Variants in STARD13 observed in about 807,000 individuals in gnomAD.
The protein encoded by STARD13 is StAR related lipid transfer domain containing 13, also known as stAR-related lipid transfer protein 13.
A neutral mutation model predicts 106.4 loss-of-function variants in STARD13; 62 were observed. The observed-to-expected ratio is 0.58, with a 90% CI of 0.48 to 0.72. STARD13 has a LOEUF of 0.72. STARD13 is among the 30% of genes least tolerant of loss of function. STARD13 has a pLI of 0.00. For missense variants in STARD13, 1,387 were observed against 1,424.0 expected, an observed-to-expected ratio of 0.97 and a Z score of 0.42; for synonymous variants, 565 against 553.0, an observed-to-expected ratio of 1.02 and a Z score of -0.31.
the STARD13 span, among the ~76,000 whole-genome samples, chr13:33,634,077 A>G: frequency 1.3e-5 from 2 of 152,330 alleles, no homozygotes; most frequent in South Asian, 4.1e-4. Flanking sequence ...ATTGAAAAGA[A>G]TTTTTGTTAA....
chr13:33,117,982 A>G, intron 8 of STARD13, 83 bp downstream of exon 8: 2 of 1,589,876 alleles, frequency 1.3e-6, no homozygotes, highest in African/African-American at 2.7e-5. Context: ...TATTCGTATA[A>G]TTAAAACTCA....
chr13:33,105,519 C>G lies in STARD13; in HGVS notation c.*74G>C. 3 of 1,045,216 alleles carry G rather than the reference C, an allele frequency of 2.9e-6. No homozygotes were observed. Among genetic ancestry groups the G allele is most frequent in the Middle Eastern group, 2.1e-4 (1 of 4,804 alleles). 64.7% of individuals were successfully genotyped at this position (1,045,216 alleles called of 1,614,324 possible). A position where few individuals can be genotyped will look rare whatever the true frequency, so the allele number is the denominator to read the frequency against. On this transcript the variant is annotated 3_prime_UTR_variant, in exon 14 of 14. Transcript: ENST00000336934. ...TCAGTTCCTCTTTCTCTCGCTTTCT[C>G]ACATGCACACTCTCTGCCACACTCG...
At chr13:33,499,604 T>TTCTTCTTCTTCTTCTTCTTC in the STARD13 span, among the ~76,000 whole-genome samples, 49 of 39,892 alleles carry the variant, frequency 1.2e-3, 2 homozygotes, top group African/African-American at 3.3e-3. Context: ...CTTCTTCTTC[T>TTCTTCTTCTTCTTCTTCTTC]TTCTTCTTCT....
At chr13:33,220,953 A>T (rs1888324170) in intron 1 of STARD13, among the ~76,000 whole-genome samples, 1 of 152,224 alleles carries the variant, frequency 6.6e-6, no homozygotes, top group African/African-American at 2.4e-5. Flanking sequence ...TGGAGCAGTT[A>T]GAGGAGTTCA....
chr13:33,559,503 A>G, the STARD13 span, among the ~76,000 whole-genome samples: 1 of 151,478 alleles, frequency 6.6e-6, no homozygotes, highest in Non-Finnish European at 1.5e-5. Context: ...TTGGGAGGCA[A>G]TGAGGTTTAG....
chr13:33,381,756 A>G, the STARD13 span, among the ~76,000 whole-genome samples: 1 of 152,206 alleles, frequency 6.6e-6, no homozygotes, highest in Non-Finnish European at 1.5e-5. Context: ...AAAAAAATAA[A>G]ACTAAAAATA....
At chr13:33,303,665 G>A (rs1033996891) in intron 1 of STARD13, among the ~76,000 whole-genome samples, 3 of 152,094 alleles carry the variant, frequency 2.0e-5, no homozygotes, top group African/African-American at 7.2e-5. Flanking sequence ...CACTTAAACA[G>A]AGGGAGATGA....
At chr13:33,632,591 T>C in the STARD13 span, among the ~76,000 whole-genome samples, 2 of 152,220 alleles carry the variant, frequency 1.3e-5, no homozygotes, top group African/African-American at 4.8e-5. Flanking sequence ...CAAAAGCTTT[T>C]GGTGCTTTCG....
the STARD13 span, among the ~76,000 whole-genome samples, chr13:33,507,880 C>G: frequency 6.6e-6 from 1 of 151,912 alleles, no homozygotes; most frequent in African/African-American, 2.4e-5. Context: ...AATCTTCATC[C>G]TCATCATCTT....
the STARD13 span, among the ~76,000 whole-genome samples, chr13:33,576,861 C>T: frequency 6.6e-6 from 1 of 152,154 alleles, no homozygotes; most frequent in Non-Finnish European, 1.5e-5. Flanking sequence ...GTAAAATCCT[C>T]TTCCCTGGAA....
intron 1 of STARD13, among the ~76,000 whole-genome samples, chr13:33,247,828 G>A (rs1342009367): frequency 3.9e-5 from 6 of 152,108 alleles, no homozygotes; most frequent in African/African-American, 1.4e-4. Context: ...AATAGTGGGT[G>A]CTGAGACCCC....
intron 1 of STARD13, among the ~76,000 whole-genome samples, chr13:33,265,507 T>C (rs1890853761): frequency 6.6e-6 from 1 of 152,146 alleles, no homozygotes; most frequent in Non-Finnish European, 1.5e-5. Context: ...TTAACTAGTG[T>C]TTTGGTTTAT....
intron 1 of STARD13, chr13:33,334,870 C>G (rs9591671): frequency 0.16 from 24,407 of 151,940 alleles, 2,620 homozygotes; most frequent in Non-Finnish European, 0.22. Context: ...CCCACCCCCC[C>G]GCAGCGCACA....
At chr13:33,270,704 G>A (rs1345987575) in intron 1 of STARD13, among the ~76,000 whole-genome samples, 1 of 152,148 alleles carries the variant, frequency 6.6e-6, no homozygotes, top group African/African-American at 2.4e-5. Flanking sequence ...GAACATAAGT[G>A]TTCTACTTAA....
At chr13:33,474,402 G>C in the STARD13 span, among the ~76,000 whole-genome samples, 45,533 of 152,094 alleles carry the variant, frequency 0.3, 7,689 homozygotes, top group Non-Finnish European at 0.39. Context: ...AAGCTGCTGA[G>C]TTTATATTGC....
At chr13:33,229,616 C>CA (rs1414136351) in intron 1 of STARD13, among the ~76,000 whole-genome samples, 2 of 152,016 alleles carry the variant, frequency 1.3e-5, no homozygotes, top group African/African-American at 4.8e-5. Context: ...TGCACACACA[C>CA]CACACACACA....
chr13:33,555,365 G>A, the STARD13 span, among the ~76,000 whole-genome samples: 1 of 152,344 alleles, frequency 6.6e-6, no homozygotes, highest in Admixed American at 6.5e-5. Context: ...GGCCAGACCA[G>A]CAGAGGAGCT....
chr13:33,447,653 G>A, the STARD13 span, among the ~76,000 whole-genome samples: 1 of 152,118 alleles, frequency 6.6e-6, no homozygotes, highest in Admixed American at 6.6e-5. Context: ...TTTGTTAGAA[G>A]GATTGAAAAT....
chr13:33,627,969 C>CT, the STARD13 span, among the ~76,000 whole-genome samples: 2,671 of 143,320 alleles, frequency 0.019, 55 homozygotes, highest in African/African-American at 0.051. Flanking sequence ...TTTTTTCTTT[C>CT]TTTTTTTTTT....
Sources: gnomAD v4.1 joint callset for allele counts (sites outside exome capture counted in the v4.1 genomes callset) on GRCh38, gnomAD v4.1.1 for gene constraint, MANE v1.5 for transcripts, NCBI Gene and HGNC (gene_info 2026-07-23, HGNC 2026-07-21) for gene names.